PRICKLE2: variants seen among roughly 807,000 people sequenced by gnomAD.
The protein encoded by PRICKLE2 is prickle-like protein 2.
Under a neutral mutation model 81.4 loss-of-function variants are expected in PRICKLE2, and 21 were observed. The ratio of observed to expected loss-of-function variants is 0.26; its 90% CI spans 0.18 to 0.37. PRICKLE2 has a LOEUF of 0.37. Ranked by LOEUF, PRICKLE2 falls within the 10% of genes least tolerant of loss-of-function variation. PRICKLE2 has a pLI of 1.00. For synonymous variants in PRICKLE2, 456 were observed against 421.5 expected, an observed-to-expected ratio of 1.08 and a Z score of -1.00; for missense variants, 940 against 1,109.0, an observed-to-expected ratio of 0.85 and a Z score of 2.16.
intron 4 of PRICKLE2, among the ~76,000 whole-genome samples, chr3:64,157,936 G>A (rs1240832846): frequency 1.3e-5 from 2 of 152,142 alleles, no homozygotes; most frequent in Non-Finnish European, 2.9e-5. Context: ...TGATTGACAC[G>A]GCACCACTTC....
chr3:64,221,077 C>G (rs183766669), intron 1 of PRICKLE2, among the ~76,000 whole-genome samples: 26 of 150,340 alleles, frequency 1.7e-4, no homozygotes, highest in African/African-American at 6.1e-4. Context: ...AACAGAGTTG[C>G]CTTCTGAGTT....
In PRICKLE2 at chr3:64,147,397, G is replaced by A. The variant is rs539536335; in HGVS notation, c.1093C>T (p.Leu365=). The A allele has an allele frequency of 6.2e-7, 1 of 1,614,256 alleles. No homozygotes were observed. The highest frequency in any genetic ancestry group is 1.7e-5 in the Admixed American group (1 of 60,034). The change falls in exon 7 of 8, where the codon CTG becomes TTG. Residue 365 remains leucine (L), a synonymous_variant. Transcript: ENST00000638394. This position sits in a 1 kb window ranked among gnomAD's most constrained non-coding sequence, Gnocchi z 5.0. The stretch of plus-strand genomic sequence containing the variant: ...GACAGGGGGTCTACGTCGGCTGACA[G>A]CCGGTTAGAACTCACTTGCAGCTGG... ...HSQLQVSSNR[L]SADVDPLSLQ... is the part of the protein sequence containing the mutation.
chr3:64,226,052 C>T (rs953849747), upstream of PRICKLE2, among the ~76,000 whole-genome samples: 7 of 152,184 alleles, frequency 4.6e-5, no homozygotes, highest in Admixed American at 4.6e-4. Context: ...CCCTTTAACC[C>T]CTTACCCCAA....
chr3:64,110,350 G>C (rs1360614581), intron 7 of PRICKLE2, among the ~76,000 whole-genome samples: 1 of 152,132 alleles, frequency 6.6e-6, no homozygotes, highest in Non-Finnish European at 1.5e-5. Context: ...CCAAGAACCT[G>C]GGGACCCACT....
At chr3:64,167,191 AT>A (rs925144798) in intron 2 of PRICKLE2, among the ~76,000 whole-genome samples, 4 of 152,016 alleles carry the variant, frequency 2.6e-5, no homozygotes, top group African/African-American at 4.8e-5. Context: ...TCACTTGTTC[AT>A]TTTTTTTGGA....
intron 7 of PRICKLE2, among the ~76,000 whole-genome samples, chr3:64,104,136 C>T (rs1028740656): frequency 6.6e-6 from 1 of 152,170 alleles, no homozygotes; most frequent in Non-Finnish European, 1.5e-5. Flanking sequence ...ACTGTCAGGG[C>T]AATAGCAGCT....
intron 2 of PRICKLE2, among the ~76,000 whole-genome samples, chr3:64,244,605 T>TGTGTG (rs763472932): frequency 3.9e-5 from 2 of 51,460 alleles, no homozygotes; most frequent in Non-Finnish European, 1.2e-4. Flanking sequence ...GAATGACTGG[T>TGTGTG]GTGTGTGTGT....
intron 2 of PRICKLE2, among the ~76,000 whole-genome samples, chr3:64,257,504 G>A (rs1483259649): frequency 6.6e-6 from 1 of 152,228 alleles, no homozygotes; most frequent in Non-Finnish European, 1.5e-5. Context: ...CAATGGCAGT[G>A]GGGGTGTGAG....
intron 2 of PRICKLE2, chr3:64,174,805 T>G (rs1426982538): frequency 4.6e-6 from 1 of 216,518 alleles, no homozygotes; most frequent in Non-Finnish European, 1.0e-5. Context: ...CCATCTTGCT[T>G]GGATAAATAT....
Position 64,159,275 on chromosome 3 carries a change from A to G in PRICKLE2, c.396+665T>C, listed in dbSNP as rs563742844. Among the ~76,000 whole-genome samples, 19 of 152,322 alleles carry G rather than the reference A, an allele frequency of 1.2e-4. No homozygotes were observed. In the South Asian group the frequency reaches 3.9e-3, roughly 32 times the overall value. On this transcript the variant is annotated intron_variant, in intron 4 of 7. Coordinates refer to ENST00000638394, the MANE Select transcript of PRICKLE2 (RefSeq NM_198859.4). ...CATGCACTTCAATAAGGAACTCTCA[A>G]TTCTCAGGAGAAGATCATTTACCTC...
At chr3:64,158,222 C>T (rs533247115) in intron 4 of PRICKLE2, among the ~76,000 whole-genome samples, 2 of 152,320 alleles carry the variant, frequency 1.3e-5, no homozygotes, top group Non-Finnish European at 2.9e-5. Flanking sequence ...AGTGGCTGAG[C>T]TCAGGGGACA....
intron 7 of PRICKLE2, among the ~76,000 whole-genome samples, chr3:64,116,371 G>A (rs2076934086): frequency 6.6e-6 from 1 of 151,754 alleles, no homozygotes; most frequent in Non-Finnish European, 1.5e-5. Context: ...AGGAGACTGA[G>A]ACACAAAAAA....
chr3:64,221,555 G>T (rs1685885913), intron 1 of PRICKLE2, among the ~76,000 whole-genome samples: 1 of 151,940 alleles, frequency 6.6e-6, no homozygotes, highest in South Asian at 2.1e-4. Flanking sequence ...CATCAACAAA[G>T]AAAACAGATT....
intron 1 of PRICKLE2, chr3:64,200,874 CA>C (rs2107118979): frequency 6.6e-6 from 1 of 152,278 alleles, no homozygotes; most frequent in South Asian, 2.1e-4. Flanking sequence ...GTCAGCCTCC[CA>C]AAGTGCTGGG....
chr3:64,187,432 A>T (rs771531156), intron 2 of PRICKLE2: 1 of 152,222 alleles, frequency 6.6e-6, no homozygotes, highest in Non-Finnish European at 1.5e-5. Flanking sequence ...CTCAAACTGC[A>T]TTGAAAACAC....
At position 64,099,350 on chromosome 3, in the gene PRICKLE2, C is replaced by T. The variant is rs1437633740; in HGVS notation, c.2236G>A (p.Gly746Ser). ...TCCGACACAGTCCTAGGGCACTGGC[C>T]GTACAGGTCCCTCCGGGACCCATGC... ...MGHGSRRDLY[G>S]QCPRTVSDLA... The change falls in exon 8 of 8, where the codon GGC (glycine) becomes AGC (serine). Residue 746 changes from glycine (G) to serine (S), a missense_variant. By Grantham distance (56) the Gly-to-Ser change is moderately conservative. Coordinates refer to ENST00000638394, the MANE Select transcript of PRICKLE2 (RefSeq NM_198859.4). The surrounding 1 kb of genome is among the most constrained non-coding windows in gnomAD (Gnocchi z 4.3). 4 of 1,614,104 alleles carry T rather than the reference C, an allele frequency of 2.5e-6. No individual in the cohort carries two copies. Among genetic ancestry groups the T allele is most frequent in the Non-Finnish European group, 3.4e-6 (4 of 1,179,946 alleles).
intron 7 of PRICKLE2, among the ~76,000 whole-genome samples, chr3:64,107,352 T>A (rs1364898572): frequency 6.6e-6 from 1 of 152,196 alleles, no homozygotes; most frequent in South Asian, 2.1e-4. Flanking sequence ...CAAGGTCTGA[T>A]GGAACGGAAA....
At chr3:64,129,008 G>C (rs1458301796) in intron 7 of PRICKLE2, among the ~76,000 whole-genome samples, 1 of 151,986 alleles carries the variant, frequency 6.6e-6, no homozygotes, top group African/African-American at 2.4e-5. Context: ...ATGTTTAGCA[G>C]CATCCTTGGC....
intron 2 of PRICKLE2, among the ~76,000 whole-genome samples, chr3:64,189,263 A>G (rs552645162): frequency 6.6e-6 from 1 of 152,324 alleles, no homozygotes; most frequent in East Asian, 1.9e-4. Context: ...AAGCAGGGCC[A>G]TGCTGCTTCC....
Sources: gnomAD v4.1 joint callset for allele counts (sites outside exome capture counted in the v4.1 genomes callset) on GRCh38, gnomAD v4.1.1 for gene constraint, Gnocchi (gnomAD v3.1) non-coding constraint, MANE v1.5 for transcripts, NCBI Gene and HGNC (gene_info 2026-07-23, HGNC 2026-07-21) for gene names.